DOCK3: variants seen among roughly 807,000 people sequenced by gnomAD.
The protein encoded by DOCK3 is dedicator of cytokinesis protein 3.
Under a neutral mutation model 265.6 loss-of-function variants are expected in DOCK3, and 60 were observed. The observed-to-expected ratio is 0.23, with a 90% CI of 0.18 to 0.28. DOCK3 has a LOEUF of 0.28. Ranked by LOEUF, DOCK3 falls within the 10% of genes least tolerant of loss-of-function variation. DOCK3 has a pLI of 1.00. For missense variants in DOCK3, 1,981 were observed against 2,594.3 expected (o/e 0.76, Z 5.14); for synonymous variants, 881 against 938.0 (o/e 0.94, Z 1.11).
intron 21 of DOCK3, among the ~76,000 whole-genome samples, chr3:51,240,623 G>A (rs2078569101): frequency 6.6e-6 from 1 of 152,086 alleles, no homozygotes; most frequent in Non-Finnish European, 1.5e-5. Context: ...CTCCTGTGTT[G>A]GGTGCATATA....
intron 5 of DOCK3, among the ~76,000 whole-genome samples, chr3:50,937,298 T>A (rs1308003457): frequency 1.4e-4 from 14 of 103,346 alleles, no homozygotes; most frequent in South Asian, 3.5e-4. Context: ...AAAAAAAAAA[T>A]TTATAAAGTG....
intron 9 of DOCK3, among the ~76,000 whole-genome samples, chr3:51,136,586 A>G (rs540277046): frequency 2.0e-5 from 3 of 152,150 alleles, no homozygotes; most frequent in South Asian, 4.2e-4. Context: ...TCGTGGTGCA[A>G]TTTGTGGTTT....
chr3:50,857,998 A>G (rs553445550), intron 3 of DOCK3, among the ~76,000 whole-genome samples: 2 of 152,350 alleles, frequency 1.3e-5, no homozygotes, highest in Admixed American at 1.3e-4. Context: ...TTGCAGCACT[A>G]TTCACAATAG....
rs1367146711 is a variant in DOCK3 at position 51,374,227 on chromosome 3, C to G, written c.5294-242C>G. The stretch of plus-strand genomic sequence containing the variant: ...TCTGCTTCTGAGCATGGTGGGGACT[C>G]TGTCAGCGGATCTGCATCTCACCAG... On this transcript the variant is annotated intron_variant, in intron 49 of 52. Transcript: ENST00000266037. The surrounding 1 kb of genome is among the most constrained non-coding windows in gnomAD (Gnocchi z 4.8). Among the ~76,000 whole-genome samples the G allele has an allele frequency of 1.3e-5, 2 of 152,208 alleles. No individual in the cohort carries two copies. The highest frequency in any genetic ancestry group is 2.4e-5 in the African/African-American group (1 of 41,446).
intron 5 of DOCK3, among the ~76,000 whole-genome samples, chr3:50,937,001 G>T (rs531945988): frequency 2.0e-5 from 3 of 152,196 alleles, no homozygotes; most frequent in Non-Finnish European, 2.9e-5. Context: ...TGTTGGCTGG[G>T]TGTGGTGGCT....
At position 51,359,035 on chromosome 3, in the gene DOCK3, C is replaced by T. The variant is rs1431883235; in HGVS notation, c.4884+958C>T. Among the ~76,000 whole-genome samples the T allele has an allele frequency of 6.6e-6, 1 of 152,212 alleles. No individual in the cohort carries two copies. The highest frequency in any genetic ancestry group is 1.5e-5 in the Non-Finnish European group (1 of 68,044). The stretch of plus-strand genomic sequence containing the variant: ...CCAAGCCAAGTTCTCTTCTCATCAC[C>T]CAGGACCACTGGACAGAAGTGGCAG... On this transcript the variant is annotated intron_variant, in intron 46 of 52. Transcript: ENST00000266037. The surrounding 1 kb of genome is among the most constrained non-coding windows in gnomAD (Gnocchi z 4.8).
intron 4 of DOCK3, among the ~76,000 whole-genome samples, chr3:50,915,390 T>G (rs1490105297): frequency 6.6e-6 from 1 of 151,888 alleles, no homozygotes; most frequent in Admixed American, 6.6e-5. Flanking sequence ...CCCTGGAGGG[T>G]GCAGGGAACA....
intron 4 of DOCK3, among the ~76,000 whole-genome samples, chr3:50,907,090 T>A (rs1382114588): frequency 6.6e-6 from 1 of 152,076 alleles, no homozygotes; most frequent in Non-Finnish European, 1.5e-5. Flanking sequence ...TAATCCTGAG[T>A]TCTAGTTTGA....
intron 1 of DOCK3, among the ~76,000 whole-genome samples, chr3:50,715,061 G>T (rs2037014539): frequency 6.6e-6 from 1 of 152,364 alleles, no homozygotes; most frequent in South Asian, 2.1e-4. Flanking sequence ...ACAGCACTGT[G>T]AGCTTTGAAA....
rs112367527 is a variant in DOCK3 at position 51,217,454 on chromosome 3, AG to A, written c.1252+3208del. Reference sequence around the variant, plus strand: ...ACAGTGATACTGCTGGTGTTCTGGGAGCCAAACCAGGAAGTACCATCTTAGA... The same window carrying A: ...ACAGTGATACTGCTGGTGTTCTGGGACCAAACCAGGAAGTACCATCTTAGA... On this transcript the variant is annotated intron_variant, in intron 14 of 52. Coordinates refer to ENST00000266037, the MANE Select transcript of DOCK3 (RefSeq NM_004947.5). 3.0e-3 allele frequency among the ~76,000 whole-genome samples: 454 copies of A among 152,312 alleles called. 3 individuals are homozygous for A. Among genetic ancestry groups the A allele is most frequent in the African/African-American group, 0.01 (433 of 41,572 alleles).
intron 1 of DOCK3, among the ~76,000 whole-genome samples, chr3:50,739,812 G>A (rs982825758): frequency 2.6e-5 from 4 of 151,840 alleles, no homozygotes; most frequent in Admixed American, 2.6e-4. Flanking sequence ...CTATCGATTG[G>A]CAACTATACC....
rs575554106 is a variant in DOCK3, at chr3:51,033,890, T to C, written c.316-30558T>C. Among the ~76,000 whole-genome samples the C allele has an allele frequency of 1.2e-4, 19 of 152,334 alleles. No individual in the cohort carries two copies. The East Asian group carries it at 3.7e-3, about 29-fold the overall frequency. ...CCCAAAAGTTTATGGCAAAAGTCTC[T>C]ATAAGCTTTTTGTAAAGCATCAATG... On this transcript the variant is annotated intron_variant, in intron 5 of 52. Coordinates refer to ENST00000266037, the MANE Select transcript of DOCK3 (RefSeq NM_004947.5).
At chr3:50,759,622 G>C (rs1028986713) in intron 1 of DOCK3, among the ~76,000 whole-genome samples, 1 of 149,072 alleles carries the variant, frequency 6.7e-6, no homozygotes, top group Non-Finnish European at 1.5e-5. Flanking sequence ...AGGACTGCTT[G>C]AGCCCAGGAG....
chr3:51,085,646 CA>C (rs1328767738), intron 7 of DOCK3, among the ~76,000 whole-genome samples: 1 of 151,924 alleles, frequency 6.6e-6, no homozygotes, highest in Non-Finnish European at 1.5e-5. Flanking sequence ...ACAACATATC[CA>C]AATTCTGTGA....
chr3:51,093,507 C>T (rs957638807), intron 9 of DOCK3, among the ~76,000 whole-genome samples: 3 of 152,144 alleles, frequency 2.0e-5, no homozygotes, highest in African/African-American at 4.8e-5. Context: ...TATAGGAATG[C>T]TTGTGATGTT....
chr3:51,182,318 C>G (rs189504105), intron 12 of DOCK3, among the ~76,000 whole-genome samples: 1 of 152,250 alleles, frequency 6.6e-6, no homozygotes, highest in Admixed American at 6.5e-5. Context: ...ATAGGTAAAG[C>G]CCTTGGTATG....
At chr3:50,795,737 A>C (rs947011233) in intron 2 of DOCK3, among the ~76,000 whole-genome samples, 2 of 152,152 alleles carry the variant, frequency 1.3e-5, no homozygotes, top group African/African-American at 4.8e-5. Context: ...TCAGAAGCCC[A>C]GTCCTCAAGC....
Position 50,890,032 on chromosome 3 carries a change from T to C in DOCK3, c.169T>C (p.Phe57Leu). ...AATATTTTCTCTTTTACAGGGGATCTTTCCTGCAAATTACATTCACTTGAA... is the reference window on the plus strand; with the variant it reads ...AATATTTTCTCTTTTACAGGGGATCCTTCCTGCAAATTACATTCACTTGAA... The part of the protein sequence containing the change: ...STKKPNVKGI[F>L]PANYIHLKKA... Residue 57 changes from phenylalanine to leucine, a missense_variant, in exon 4 of 53, where the codon TTT becomes CTT. Coordinates refer to ENST00000266037, the MANE Select transcript of DOCK3 (RefSeq NM_004947.5). 1 of 1,415,914 alleles carries C rather than the reference T, an allele frequency of 7.1e-7. No homozygotes were observed. Among genetic ancestry groups the C allele is most frequent in the South Asian group, 1.6e-5 (1 of 62,314 alleles). The allele number at this position is 1,415,914 out of a possible 1,614,324, so 87.7% of individuals were successfully genotyped here.
chr3:51,195,125 C>A (rs904075879), intron 12 of DOCK3, among the ~76,000 whole-genome samples: 1 of 151,648 alleles, frequency 6.6e-6, no homozygotes, highest in Non-Finnish European at 1.5e-5. Context: ...GCGCCTGGCC[C>A]GAGTTTTTTG....
Sources: gnomAD v4.1 joint callset for allele counts (sites outside exome capture counted in the v4.1 genomes callset) on GRCh38, gnomAD v4.1.1 for gene constraint, Gnocchi (gnomAD v3.1) non-coding constraint, MANE v1.5 for transcripts, NCBI Gene and HGNC (gene_info 2026-07-23, HGNC 2026-07-21) for gene names.